The following HP1BP3 variants were observed in gnomAD, a reference collection of about 807,000 sequenced individuals.
HP1BP3 encodes heterochromatin protein 1 binding protein 3.
HP1BP3 carries 12 observed loss-of-function variants against 62.5 expected under a neutral mutation model. The ratio of observed to expected loss-of-function variants is 0.19; its 90% CI spans 0.12 to 0.31. The LOEUF (loss-of-function observed/expected upper bound fraction) is 0.31, where lower values mean the gene tolerates loss of function less well. Among genes scored for constraint, HP1BP3 ranks in the 10% least tolerant of loss-of-function variants. HP1BP3 has a pLI of 1.00. For missense variants in HP1BP3, 502 were observed against 651.8 expected (o/e 0.77, Z 2.50); for synonymous variants, 260 against 237.8 (o/e 1.09, Z -0.86).
At chr1:20,773,313 TAA>T in intron 5 of HP1BP3, 136 bp downstream of exon 5, 1 of 551,620 alleles carries the variant, frequency 1.8e-6, no homozygotes, top group East Asian at 3.4e-5. Context: ...CATGAACTTA[TAA>T]TGACTTTCCT....
At chr1:20,749,361 C>CTTTTTTTTTT (rs11377726) in intron 10 of HP1BP3, among the ~76,000 whole-genome samples, 7 of 138,882 alleles carry the variant, frequency 5.0e-5, no homozygotes, top group Non-Finnish European at 9.4e-5. Flanking sequence ...CTTTTCTTTT[C>CTTTTTTTTTT]TTTTCTTTTT....
rs1161959336 is a variant in HP1BP3, at chr1:20,776,700, T to C, written c.247A>G (p.Asn83Asp). ...CTCGAAGTAGCAGGTGGAGTTTCAT[T>C]CTCTTGTTCTTCTACAGTGGAGACA... ...ESVSTVEEQENETPPATSSEA... is the reference protein window; with the variant it reads ...ESVSTVEEQEDETPPATSSEA... The change falls in exon 4 of 13, where the codon AAT becomes GAT. Residue 83 changes from asparagine to aspartate, a missense_variant. By Grantham distance (23) the Asn-to-Asp change is conservative. Coordinates refer to ENST00000438032, the MANE Select transcript of HP1BP3 (RefSeq NM_001372052.1). 10 of 1,613,978 alleles carry C rather than the reference T, an allele frequency of 6.2e-6. No individual in the cohort carries two copies. The highest frequency in any genetic ancestry group is 1.7e-5 in the Admixed American group (1 of 59,994).
intron 1 of HP1BP3, chr1:20,786,134 C>T (rs2057814681): frequency 6.6e-6 from 1 of 152,304 alleles, no homozygotes; most frequent in Non-Finnish European, 1.5e-5. Flanking sequence ...AAGTGGCTGT[C>T]CCCGGTCACA....
chr1:20,776,872 A>G lies in HP1BP3; in HGVS notation c.197-122T>C, dbSNP rs147967641. On this transcript the variant is annotated intron_variant, in intron 3 of 12. Coordinates refer to ENST00000438032, the MANE Select transcript of HP1BP3 (RefSeq NM_001372052.1). ...TCTCCAATTAACAAATGAATTCTAA[A>G]ATGAAAATGAATGACCACTAATGCA... 8.4e-6 allele frequency: 6 copies of G among 716,900 alleles called. No homozygotes were observed. The African/African-American group carries it at 9.1e-5, about 11-fold the overall frequency. The allele number at this position is 716,900 out of a possible 1,614,324, so 44.4% of individuals were successfully genotyped here. A position where few individuals can be genotyped will look rare whatever the true frequency, so the allele number is the denominator to read the frequency against.
intron 1 of HP1BP3, among the ~76,000 whole-genome samples, chr1:20,783,927 A>T (rs1364346745): frequency 2.6e-5 from 4 of 152,184 alleles, no homozygotes; most frequent in African/African-American, 4.8e-5. Flanking sequence ...TTCATTACAG[A>T]GCTAAGTATA....
In HP1BP3 at chr1:20,761,684, T is replaced by C. The variant is rs569926217; in HGVS notation, c.890+3693A>G. 4.7e-4 allele frequency among the ~76,000 whole-genome samples: 71 copies of C among 152,274 alleles called. 1 individual carries two copies. In the South Asian group the frequency reaches 0.015, roughly 32 times the overall value. Reference sequence around the variant, plus strand: ...ATAGTTTATAGCTGGTATTTACAGTTTTGCAAGTGAAAGGAATCACCAAGT... The same window carrying C: ...ATAGTTTATAGCTGGTATTTACAGTCTTGCAAGTGAAAGGAATCACCAAGT... On this transcript the variant is annotated intron_variant, in intron 8 of 12. Transcript: ENST00000438032.
At chr1:20,750,269 G>C (rs2055627285) in intron 9 of HP1BP3, 1 of 129,578 alleles carries the variant, frequency 7.7e-6, no homozygotes, top group South Asian at 1.9e-4. Context: ...ATCACTTAAG[G>C]CCAGGAGTTC....
At position 20,744,509 on chromosome 1, in the gene HP1BP3, C is replaced by T. The variant is rs2055189711; in HGVS notation, c.*288G>A. 3.9e-6 allele frequency: 1 copy of T among 258,080 alleles called. No homozygotes were observed. The highest frequency in any genetic ancestry group is 2.3e-5 in the African/African-American group (1 of 43,952). The allele number at this position is 258,080 out of a possible 1,614,324, so 16.0% of individuals were successfully genotyped here. ...AAAAAGGCAAAGCTGACCATAAAAA[C>T]AACAGGGGGTTGGGGGAGGCAGAGA... On this transcript the variant is annotated 3_prime_UTR_variant, in exon 13 of 13. Coordinates refer to ENST00000438032, the MANE Select transcript of HP1BP3 (RefSeq NM_001372052.1).
chr1:20,785,056 G>A (rs1442613873), intron 1 of HP1BP3, among the ~76,000 whole-genome samples: 2 of 152,148 alleles, frequency 1.3e-5, no homozygotes, highest in African/African-American at 2.4e-5. Context: ...CTGAGTAGCT[G>A]GGACTTCAGG....
chr1:20,752,388 G>A (rs1000240097), intron 9 of HP1BP3, among the ~76,000 whole-genome samples: 88 of 151,406 alleles, frequency 5.8e-4, no homozygotes, highest in African/African-American at 1.9e-3. Flanking sequence ...TCCGCCTCCC[G>A]GATTCCAGCG....
chr1:20,782,767 G>A (rs2057622802), intron 1 of HP1BP3, among the ~76,000 whole-genome samples: 1 of 151,844 alleles, frequency 6.6e-6, no homozygotes, highest in South Asian at 2.1e-4. Flanking sequence ...GGGTGTGGTG[G>A]TGCGCGCCTG....
Position 20,787,217 on chromosome 1 carries a change from C to G in HP1BP3, c.-123G>C, listed in dbSNP as rs2057887284. On this transcript the variant is annotated 5_prime_UTR_variant, in exon 1 of 13. Coordinates refer to ENST00000438032, the MANE Select transcript of HP1BP3 (RefSeq NM_001372052.1). ...TACCTCTGCGTTCGGCCGGTCCTGG[C>G]GCCCGCGTCCCGCACGGCCTCTCGG... The G allele has an allele frequency of 6.6e-6, 1 of 152,328 alleles. No homozygotes were observed. Among genetic ancestry groups the G allele is most frequent in the South Asian group, 1.9e-4 (1 of 5,262 alleles). 9.4% of individuals were successfully genotyped at this position (152,328 alleles called of 1,614,324 possible). A position where few individuals can be genotyped will look rare whatever the true frequency, so the allele number is the denominator to read the frequency against.
chr1:20,756,758 T>C (rs1472219848), intron 9 of HP1BP3, among the ~76,000 whole-genome samples: 2 of 152,228 alleles, frequency 1.3e-5, no homozygotes, highest in Admixed American at 1.3e-4. Context: ...CTCTGTCACC[T>C]AGCCTAGAGC....
At chr1:20,782,124 C>T (rs945042997) in intron 1 of HP1BP3, among the ~76,000 whole-genome samples, 3 of 152,106 alleles carry the variant, frequency 2.0e-5, no homozygotes, top group African/African-American at 4.8e-5. Context: ...CAGGAGTCTC[C>T]GTTCATAGGC....
chr1:20,785,772 C>T (rs1297317810), intron 1 of HP1BP3, among the ~76,000 whole-genome samples: 3 of 152,184 alleles, frequency 2.0e-5, no homozygotes, highest in Non-Finnish European at 4.4e-5. Context: ...CCAACCAACC[C>T]AGCAAACTTT....
At chr1:20,780,067 A>C (rs2057474586) in intron 2 of HP1BP3, among the ~76,000 whole-genome samples, 156 bp from the exon 3 acceptor site, 1 of 152,158 alleles carries the variant, frequency 6.6e-6, no homozygotes, top group South Asian at 2.1e-4. Flanking sequence ...TTTGAAGTGA[A>C]ATATGATTTT....
chr1:20,771,928 C>G (rs2057079583), intron 5 of HP1BP3, among the ~76,000 whole-genome samples: 1 of 152,124 alleles, frequency 6.6e-6, no homozygotes, highest in Non-Finnish European at 1.5e-5. Flanking sequence ...TGTTTTTATA[C>G]ATTTTGACAA....
At chr1:20,776,989 G>A (rs2057332901) in intron 3 of HP1BP3, among the ~76,000 whole-genome samples, 1 of 152,080 alleles carries the variant, frequency 6.6e-6, no homozygotes. Context: ...TACATAGAAA[G>A]GAAAACTCAT....
At chr1:20,765,946 C>T (rs1443799552) in intron 7 of HP1BP3, among the ~76,000 whole-genome samples, 2 of 137,578 alleles carry the variant, frequency 1.5e-5, no homozygotes, top group Admixed American at 1.6e-4. Flanking sequence ...GCCTGGGTGA[C>T]AGAACGAGAC....
Sources: gnomAD v4.1 joint callset for allele counts (sites outside exome capture counted in the v4.1 genomes callset) on GRCh38, gnomAD v4.1.1 for gene constraint, MANE v1.5 for transcripts, NCBI Gene and HGNC (gene_info 2026-07-23, HGNC 2026-07-21) for gene names.